DYNC2H1: variants seen among roughly 807,000 people sequenced by gnomAD.
DYNC2H1 encodes the protein dynein cytoplasmic 2 heavy chain 1.
Under a neutral mutation model 570.0 loss-of-function variants are expected in DYNC2H1, and 410 were observed. The observed-to-expected ratio is 0.72, with a 90% confidence interval of 0.66 to 0.78. The LOEUF is 0.78. Among genes scored for constraint, DYNC2H1 ranks in the 30% least tolerant of loss-of-function variants. DYNC2H1 has a pLI of 0.00. For missense variants in DYNC2H1, 4,865 were observed against 5,046.4 expected, an observed-to-expected ratio of 0.96 and a Z score of 1.09; for synonymous variants, 1,688 against 1,677.6, an observed-to-expected ratio of 1.01 and a Z score of -0.15.
At chr11:103,423,408 TAA>T (rs60223334) in intron 84 of DYNC2H1, among the ~76,000 whole-genome samples, 1,851 of 118,950 alleles carry the variant, frequency 0.016, 12 homozygotes, top group Non-Finnish European at 0.024. Context: ...GCCAAAAAAG[TAA>T]AAAAAAAAAA....
At chr11:103,373,062 G>A (rs1941237061) in intron 83 of DYNC2H1, among the ~76,000 whole-genome samples, 1 of 152,076 alleles carries the variant, frequency 6.6e-6, no homozygotes, top group East Asian at 1.9e-4. Context: ...CCATGCCTCA[G>A]CCCCCCAAGT....
At position 103,177,545 on chromosome 11, in the gene DYNC2H1, T is replaced by C. The variant is rs1861876626; in HGVS notation, c.5875-11T>C. On this transcript the variant is annotated splice_polypyrimidine_tract_variant and intron_variant, in intron 37 of 88. Coordinates refer to ENST00000375735, the MANE Select transcript of DYNC2H1 (RefSeq NM_001377.3). The surrounding 1 kb of genome is among the most constrained non-coding windows in gnomAD (Gnocchi z 4.4). The stretch of plus-strand genomic sequence containing the variant: ...TATAAATCATATATGAACATATTTC[T>C]TTCCTACTAGATCAAAAAGGCTTTA... 1 of 1,595,024 alleles carries C rather than the reference T, an allele frequency of 6.3e-7. No individual in the cohort carries two copies. Among genetic ancestry groups the C allele is most frequent in the Non-Finnish European group, 8.5e-7 (1 of 1,175,030 alleles).
chr11:103,399,447 C>T (rs559715601), intron 83 of DYNC2H1, among the ~76,000 whole-genome samples: 343 of 151,898 alleles, frequency 2.3e-3, no homozygotes, highest in African/African-American at 7.6e-3. Context: ...GGAGCCACCG[C>T]GCCTGGCCCA....
intron 84 of DYNC2H1, among the ~76,000 whole-genome samples, chr11:103,415,561 A>G (rs1003118485): frequency 4.6e-5 from 7 of 152,208 alleles, no homozygotes; most frequent in African/African-American, 1.7e-4. Context: ...GCTCATCATC[A>G]CTGGTCATCA....
intron 83 of DYNC2H1, among the ~76,000 whole-genome samples, chr11:103,367,767 T>C (rs541773336): frequency 2.6e-5 from 4 of 152,276 alleles, no homozygotes; most frequent in Non-Finnish European, 5.9e-5. Context: ...CTTCCCTTTA[T>C]GTATCCCCTC....
At chr11:103,284,138 G>T (rs891183409) in intron 73 of DYNC2H1, among the ~76,000 whole-genome samples, 1 of 151,972 alleles carries the variant, frequency 6.6e-6, no homozygotes, top group African/African-American at 2.4e-5. Context: ...TGATGACTTC[G>T]GCCTGTCTTC....
At chr11:103,463,324 G>A (rs1945085028) in intron 87 of DYNC2H1, among the ~76,000 whole-genome samples, 1 of 152,158 alleles carries the variant, frequency 6.6e-6, no homozygotes, top group Non-Finnish European at 1.5e-5. Context: ...AGGAAGCAAT[G>A]AAGCATGGCT....
At position 103,222,981 on chromosome 11, in the gene DYNC2H1, G is replaced by A. The variant is rs774923502; in HGVS notation, c.9248G>A (p.Ser3083Asn). The change falls in exon 59 of 89, where the codon AGT becomes AAT. Residue 3083 changes from serine to asparagine, a missense_variant. Transcript: ENST00000375735. ...SFDPKNAKRASTAAAPLAAWV... is the reference protein window; with the variant it reads ...SFDPKNAKRANTAAAPLAAWV... ...ATTTTTCAGAATGCTAAGCGTGCCAGTACTGCAGCTGCACCTTTGGCTGCC... is the reference window on the plus strand; with the variant it reads ...ATTTTTCAGAATGCTAAGCGTGCCAATACTGCAGCTGCACCTTTGGCTGCC... 2 of 1,613,188 alleles carry A rather than the reference G, an allele frequency of 1.2e-6. No individual in the cohort carries two copies. Among genetic ancestry groups the A allele is most frequent in the Admixed American group, 1.7e-5 (1 of 59,980 alleles).
chr11:103,385,002 G>A (rs1027966847), intron 83 of DYNC2H1, among the ~76,000 whole-genome samples: 2 of 152,064 alleles, frequency 1.3e-5, no homozygotes, highest in African/African-American at 4.8e-5. Context: ...GTAGATTTGA[G>A]ATAGAATTCT....
chr11:103,399,920 A>G (rs1942568707), intron 84 of DYNC2H1, 48 bp downstream of exon 84: 1 of 1,467,536 alleles, frequency 6.8e-7, no homozygotes, highest in Non-Finnish European at 9.5e-7. Context: ...GTTATAAGTG[A>G]CTCCTCCATC....
Position 103,358,330 on chromosome 11 carries a change from G to A in DYNC2H1, c.12127G>A (p.Val4043Ile). The A allele has an allele frequency of 6.3e-7, 1 of 1,582,380 alleles. No homozygotes were observed. The highest frequency in any genetic ancestry group is 8.6e-7 in the Non-Finnish European group (1 of 1,162,426). The change falls in exon 83 of 89, where the codon GTC (valine) becomes ATC (isoleucine). Residue 4043 changes from valine to isoleucine, a missense_variant. Around this residue, in one of 5 missense-constraint regions of DYNC2H1, gnomAD observed 2,401 missense variants for 2,454.6 expected, o/e 0.98. Transcript: ENST00000375735. ...REIWSNELSP[V>I]LNLWKKLNQN... ...AATCTGGTCTAATGAACTTTCTCCT[G>A]TCCTCAATCTCTGGAAGAAACTAAA...
intron 70 of DYNC2H1, among the ~76,000 whole-genome samples, chr11:103,272,365 T>C (rs1443244131): frequency 9.2e-5 from 14 of 152,044 alleles, no homozygotes. Context: ...TAGGTGGGAA[T>C]TGAACAATGA....
chr11:103,307,620 T>C (rs952826885), intron 77 of DYNC2H1, 101 bp from the exon 78 acceptor site: 1 of 588,152 alleles, frequency 1.7e-6, no homozygotes, highest in Admixed American at 3.3e-5. Context: ...CATCAGAATG[T>C]CACAAAAGTT....
rs1555068270 is a variant in DYNC2H1 at position 103,203,777 on chromosome 11, G to A, written c.8311+1G>A. On this transcript the variant is annotated splice_donor_variant, in intron 51 of 88. Coordinates refer to ENST00000375735, the MANE Select transcript of DYNC2H1 (RefSeq NM_001377.3). LOFTEE classifies it high-confidence loss of function. The surrounding 1 kb of genome is among the most constrained non-coding windows in gnomAD (Gnocchi z 4.7). ...CCAGTCTTCAATTACTTCACATATA[G>A]TAAGTGACATAGAATTCATTAATCA... is the stretch of plus-strand genomic sequence containing the variant. The A allele has an allele frequency of 4.4e-6, 7 of 1,575,806 alleles. No homozygotes were observed. Among genetic ancestry groups the A allele is most frequent in the Non-Finnish European group, 6.1e-6 (7 of 1,152,902 alleles).
chr11:103,286,267 A>T lies in DYNC2H1; in HGVS notation c.10903A>T (p.Ser3635Cys), dbSNP rs1427787839. ...AVATLKIALPSLYQTLCFEDA... is the reference protein window; with the variant it reads ...AVATLKIALPCLYQTLCFEDA... Reference sequence around the variant, plus strand: ...TTTTATTTTTTAGATTGCTCTCCCCAGTCTTTATCAGACCCTCTGCTTTGA... The same window carrying T: ...TTTTATTTTTTAGATTGCTCTCCCCTGTCTTTATCAGACCCTCTGCTTTGA... The change falls in exon 74 of 89, where the codon AGT becomes TGT. Residue 3635 changes from serine (S) to cysteine (C), a missense_variant. By Grantham distance (112) the Ser-to-Cys change is moderately radical. Coordinates refer to ENST00000375735, the MANE Select transcript of DYNC2H1 (RefSeq NM_001377.3). The T allele has an allele frequency of 6.2e-7, 1 of 1,613,566 alleles. No individual in the cohort carries two copies. Among genetic ancestry groups the T allele is most frequent in the East Asian group, 2.2e-5 (1 of 44,848 alleles).
At chr11:103,417,707 C>G (rs3133399) in intron 84 of DYNC2H1, among the ~76,000 whole-genome samples, 74,468 of 151,364 alleles carry the variant, frequency 0.49, 18,406 homozygotes, top group South Asian at 0.57. Flanking sequence ...GAAACCGTGT[C>G]TCTACTAAAA....
At position 103,244,786 on chromosome 11, in the gene DYNC2H1, CTATA is replaced by C. The variant is rs1864547255; in HGVS notation, c.9919-463_9919-460del. ...AGTTACAGTTATATACATATAAGTA[CTATA>C]TCTATATATAGTCATAGTTATAGAC... is the stretch of plus-strand genomic sequence containing the variant. On this transcript the variant is annotated intron_variant, in intron 64 of 88. Transcript: ENST00000375735. The surrounding 1 kb of genome is among the most constrained non-coding windows in gnomAD (Gnocchi z 4.3). Among the ~76,000 whole-genome samples, 1 of 147,844 alleles carries C rather than the reference CTATA, an allele frequency of 6.8e-6. No individual in the cohort carries two copies. The highest frequency in any genetic ancestry group is 2.5e-5 in the African/African-American group (1 of 40,000).
In DYNC2H1 at chr11:103,155,367, C is replaced by A; in HGVS notation, c.3610C>A (p.His1204Asn). ...IPILKYVRGE[H>N]LSPDHWLDLF... ...TATCTTGAAATATGTGAGAGGGGAG[C>A]ATCTTTCTCCAGATCACTGGCTTGA... The change falls in exon 25 of 89, where the codon CAT (histidine) becomes AAT (asparagine). Residue 1204 changes from histidine (H) to asparagine (N), a missense_variant. Coordinates refer to ENST00000375735, the MANE Select transcript of DYNC2H1 (RefSeq NM_001377.3). 6.2e-7 allele frequency: 1 copy of A among 1,608,492 alleles called. No individual in the cohort carries two copies. The highest frequency in any genetic ancestry group is 2.2e-5 in the East Asian group (1 of 44,670).
chr11:103,300,334 A>G (rs1866996723), intron 75 of DYNC2H1, among the ~76,000 whole-genome samples: 1 of 152,086 alleles, frequency 6.6e-6, no homozygotes, highest in Admixed American at 6.6e-5. Context: ...TATGGTCAGA[A>G]TATAAAGTTC....
Sources: allele counts gnomAD v4.1 joint callset (sites outside exome capture counted in the v4.1 genomes callset), GRCh38; gene constraint gnomAD v4.1.1; regional missense constraint gnomAD v4.1.1; non-coding constraint Gnocchi (gnomAD v3.1); transcripts MANE v1.5; gene names NCBI Gene and HGNC (gene_info 2026-07-23, HGNC 2026-07-21).